KIFBP: variants seen among roughly 807,000 people sequenced by gnomAD.
KIFBP encodes kinesin family binding protein, also known as KIF-binding protein.
A neutral mutation model predicts 58.9 loss-of-function variants in KIFBP; 46 were observed. That is an observed-to-expected ratio of 0.78 (90% confidence interval 0.62 to 1.00). The LOEUF is 1.00. Ranked by LOEUF, KIFBP falls within the 50% of genes least tolerant of loss-of-function variation. The probability of loss-of-function intolerance (pLI) is 0.00; values close to 1 mark genes in which losing one functional copy is unlikely to be tolerated. For synonymous variants in KIFBP, 241 were observed against 283.4 expected, an observed-to-expected ratio of 0.85 and a Z score of 1.50; for missense variants, 651 against 752.9, an observed-to-expected ratio of 0.86 and a Z score of 1.58.
chr10:69,002,220 C>T (rs1036909200), intron 2 of KIFBP, among the ~76,000 whole-genome samples: 6 of 150,918 alleles, frequency 4.0e-5, no homozygotes, highest in African/African-American at 7.3e-5. Context: ...AGTGCAGTGG[C>T]GTGATCTCGG....
At chr10:69,011,224 A>T (rs1843586041) in intron 6 of KIFBP, 6 of 524,936 alleles carry the variant, frequency 1.1e-5, no homozygotes, top group African/African-American at 3.8e-5. Context: ...CCGAGATTGG[A>T]CCACTGCACT....
At chr10:68,997,551 C>G (rs1462016349) in intron 1 of KIFBP, among the ~76,000 whole-genome samples, 3 of 152,082 alleles carry the variant, frequency 2.0e-5, no homozygotes, top group African/African-American at 4.8e-5. Flanking sequence ...TCCTGTACAG[C>G]CTGTGGAACT....
intron 5 of KIFBP, among the ~76,000 whole-genome samples, chr10:69,010,115 A>G (rs1464716105): frequency 2.0e-5 from 3 of 152,268 alleles, no homozygotes; most frequent in African/African-American, 4.8e-5. Flanking sequence ...ATATCGTGAG[A>G]TATTATTTTG....
At chr10:69,009,794 AT>A (rs1439589854) in intron 5 of KIFBP, among the ~76,000 whole-genome samples, 1 of 152,168 alleles carries the variant, frequency 6.6e-6, no homozygotes, top group East Asian at 1.9e-4. Context: ...TTCTTTAAAA[AT>A]AGTTTATTTT....
intron 1 of KIFBP, among the ~76,000 whole-genome samples, chr10:68,998,856 AC>A (rs1843434726): frequency 6.9e-6 from 1 of 144,992 alleles, no homozygotes; most frequent in African/African-American, 2.6e-5. Flanking sequence ...GCTCACTGTA[AC>A]CTCCACCTCC....
At position 69,014,417 on chromosome 10, in the gene KIFBP, A is replaced by AG. The variant is rs141693284; in HGVS notation, c.991-1121dup. Among the ~76,000 whole-genome samples, 64 of 152,306 alleles carry AG rather than the reference A, an allele frequency of 4.2e-4. 1 individual carries two copies. The East Asian group carries it at 0.012, about 28-fold the overall frequency. On this transcript the variant is annotated intron_variant, in intron 6 of 6. Coordinates refer to ENST00000361983, the MANE Select transcript of KIFBP (RefSeq NM_015634.4). ...ACATGTTTAGAAGTTCTGTGGCGTA[A>AG]GGGAGGATGATATCAGAAGGGATGG...
At chr10:68,995,987 A>G (rs1256971060) in intron 1 of KIFBP, among the ~76,000 whole-genome samples, 1 of 151,612 alleles carries the variant, frequency 6.6e-6, no homozygotes, top group Non-Finnish European at 1.5e-5. Context: ...ATGAAACCCC[A>G]TCTCTACTAA....
At chr10:68,999,416 A>AG (rs963471865) in intron 1 of KIFBP, among the ~76,000 whole-genome samples, 3 of 151,402 alleles carry the variant, frequency 2.0e-5, no homozygotes, top group Non-Finnish European at 3.0e-5. Flanking sequence ...TTTTTTTTAA[A>AG]AAAAAAGTTC....
chr10:68,994,336 G>A (rs1188127211), intron 1 of KIFBP, among the ~76,000 whole-genome samples: 1 of 152,058 alleles, frequency 6.6e-6, no homozygotes, highest in Non-Finnish European at 1.5e-5. Flanking sequence ...TGTGTATATG[G>A]AAGAGTTTTG....
In KIFBP at chr10:69,016,239, G is replaced by C; in HGVS notation, c.1689G>C (p.Lys563Asn). The C allele has an allele frequency of 6.2e-7, 1 of 1,600,960 alleles. No individual in the cohort carries two copies. Among genetic ancestry groups the C allele is most frequent in the Non-Finnish European group, 8.5e-7 (1 of 1,174,416 alleles). ...LYGKIITADP[K>N]KELENLATSL... is the part of the protein sequence containing the mutation. Reference sequence around the variant, plus strand: ...GCAAAATCATTACTGCAGATCCCAAGAAAGAGCTGGAAAATTTGGCAACAT... The same window carrying C: ...GCAAAATCATTACTGCAGATCCCAACAAAGAGCTGGAAAATTTGGCAACAT... Residue 563 changes from lysine to asparagine, a missense_variant, in exon 7 of 7, where the codon AAG becomes AAC. By Grantham distance (94) the Lys-to-Asn change is moderately conservative. Transcript: ENST00000361983.
At chr10:69,001,031 A>T (rs892224635) in intron 2 of KIFBP, among the ~76,000 whole-genome samples, 1 of 152,004 alleles carries the variant, frequency 6.6e-6, no homozygotes, top group Admixed American at 6.6e-5. Context: ...TTTTAATAAG[A>T]TCCTGCCTGG....
intron 4 of KIFBP, chr10:69,007,661 T>G (rs1353938988): frequency 6.6e-6 from 1 of 152,234 alleles, no homozygotes; most frequent in Non-Finnish European, 1.5e-5. Flanking sequence ...TGTCCAGCTA[T>G]TCTCAAGATG....
At chr10:69,008,391 A>AAAAAAATATATATATATATATATATAT in intron 4 of KIFBP, among the ~76,000 whole-genome samples, 6 of 71,572 alleles carry the variant, frequency 8.4e-5, no homozygotes, top group African/African-American at 3.9e-4. Context: ...AAAAAAAAAA[A>AAAAAAATATATATATATATATATATAT]ATATATATAT....
chr10:68,991,948 G>C (rs756277574), intron 1 of KIFBP, among the ~76,000 whole-genome samples: 3 of 150,222 alleles, frequency 2.0e-5, no homozygotes, highest in Non-Finnish European at 4.4e-5. Flanking sequence ...TTCGTATGAT[G>C]ATACACTTTC....
At chr10:69,008,391 A>AAAAAAATATATATATATATATAT in intron 4 of KIFBP, among the ~76,000 whole-genome samples, 12 of 71,576 alleles carry the variant, frequency 1.7e-4, no homozygotes, top group African/African-American at 7.0e-4. Context: ...AAAAAAAAAA[A>AAAAAAATATATATATATATATAT]ATATATATAT....
At chr10:69,011,235 C>T in intron 6 of KIFBP, 1 of 502,532 alleles carries the variant, frequency 2.0e-6, no homozygotes, top group Non-Finnish European at 3.6e-6. Context: ...CCACTGCACT[C>T]CAGCCTGGGC....
rs369146453 is a variant in KIFBP, at chr10:69,002,449, T to C, written c.525+1927T>C. On this transcript the variant is annotated intron_variant, in intron 2 of 6. Coordinates refer to ENST00000361983, the MANE Select transcript of KIFBP (RefSeq NM_015634.4). Reference sequence around the variant, plus strand: ...CTGGGATTACAGGCATAAGCCACCATGCCCAGCCTCGTACCTTGGCATTTT... The same window carrying C: ...CTGGGATTACAGGCATAAGCCACCACGCCCAGCCTCGTACCTTGGCATTTT... Among the ~76,000 whole-genome samples the C allele has an allele frequency of 2.7e-3, 405 of 150,418 alleles. 1 individual carries two copies. Among genetic ancestry groups the C allele is most frequent in the South Asian group, 0.015 (67 of 4,488 alleles).
chr10:69,014,715 T>TTCC (rs1468933436), intron 6 of KIFBP, among the ~76,000 whole-genome samples: 1 of 133,286 alleles, frequency 7.5e-6, no homozygotes, highest in African/African-American at 2.9e-5. Flanking sequence ...TTTTTTTATT[T>TTCC]GCCCCCCCCC....
chr10:69,009,468 T>C (rs1386418730), intron 5 of KIFBP, among the ~76,000 whole-genome samples: 2 of 152,244 alleles, frequency 1.3e-5, no homozygotes, highest in Admixed American at 1.3e-4. Context: ...CAGTTCAAGA[T>C]TGCATAATGC....
Sources: allele counts gnomAD v4.1 joint callset (sites outside exome capture counted in the v4.1 genomes callset), GRCh38; gene constraint gnomAD v4.1.1; transcripts MANE v1.5; gene names NCBI Gene and HGNC (gene_info 2026-07-23, HGNC 2026-07-21).